The following ACSL6 variants were observed in gnomAD, a reference collection of about 807,000 sequenced individuals.
ACSL6 encodes the protein long-chain-fatty-acid--CoA ligase 6.
Under a neutral mutation model 98.2 loss-of-function variants are expected in ACSL6, and 47 were observed. That is an observed-to-expected ratio of 0.48 (90% confidence interval 0.38 to 0.61). The LOEUF (loss-of-function observed/expected upper bound fraction) is 0.61. ACSL6 is among the 20% of genes least tolerant of loss of function. ACSL6 has a pLI of 0.00. For missense variants in ACSL6, 761 were observed against 913.4 expected (o/e 0.83, Z 2.15); for synonymous variants, 362 against 336.9 (o/e 1.07, Z -0.82).
At chr5:131,996,968 G>A (rs1754824229) in intron 1 of ACSL6, among the ~76,000 whole-genome samples, 1 of 151,366 alleles carries the variant, frequency 6.6e-6, no homozygotes, top group Non-Finnish European at 1.5e-5. Context: ...CCTGGCAGAG[G>A]AAAGTAAACA....
intron 1 of ACSL6, among the ~76,000 whole-genome samples, chr5:132,005,472 A>C (rs1755352843): frequency 6.6e-6 from 1 of 152,198 alleles, no homozygotes; most frequent in Non-Finnish European, 1.5e-5. Context: ...CTCCCTGTCC[A>C]ATCTCACTGG....
At chr5:131,986,770 A>C in intron 8 of ACSL6, 52 bp downstream of exon 8, 2 of 1,605,920 alleles carry the variant, frequency 1.2e-6, no homozygotes, top group Non-Finnish European at 1.7e-6. Context: ...CTGTGAGGAC[A>C]GGCCCTGCAC....
At chr5:132,004,219 C>CT (rs1038116980) in intron 1 of ACSL6, among the ~76,000 whole-genome samples, 2,610 of 138,888 alleles carry the variant, frequency 0.019, 76 homozygotes, top group African/African-American at 0.058. Flanking sequence ...GGCTTCTATC[C>CT]TTTTTTTTTT....
In ACSL6 at chr5:131,951,531, T is replaced by C. The variant is rs982658787; in HGVS notation, c.*2703A>G. 5.1e-6 allele frequency: 1 copy of C among 196,532 alleles called. No homozygotes were observed. The highest frequency in any genetic ancestry group is 8.0e-5 in the East Asian group (1 of 12,552). The allele number at this position is 196,532 out of a possible 1,614,324, so 12.2% of individuals were successfully genotyped here. A position where few individuals can be genotyped will look rare whatever the true frequency, so the allele number is the denominator to read the frequency against. On this transcript the variant is annotated 3_prime_UTR_variant, in exon 21 of 21. Transcript: ENST00000651883. The stretch of plus-strand genomic sequence containing the variant: ...GATGATTTCCACATAGACCTGGAAA[T>C]CTAGAAATATAAGATATTTTAAGTG...
intron 17 of ACSL6, among the ~76,000 whole-genome samples, chr5:131,964,710 C>G (rs1362581385): frequency 6.6e-6 from 1 of 152,234 alleles, no homozygotes; most frequent in Non-Finnish European, 1.5e-5. Context: ...GCTCCCTGAG[C>G]CAACAGGACA....
At chr5:131,996,010 G>GGCCT (rs1754775045) in intron 1 of ACSL6, among the ~76,000 whole-genome samples, 1 of 152,216 alleles carries the variant, frequency 6.6e-6, no homozygotes, top group Non-Finnish European at 1.5e-5. Context: ...GAGGTGATTT[G>GGCCT]GCCTGCACAC....
rs775126100 is a variant in ACSL6 at position 131,954,335 on chromosome 5, C to A, written c.2068G>T (p.Val690Phe). 1 of 1,613,874 alleles carries A rather than the reference C, an allele frequency of 6.2e-7. No homozygotes were observed. The highest frequency in any genetic ancestry group is 8.5e-7 in the Non-Finnish European group (1 of 1,179,924). The change falls in exon 21 of 21, where the codon GTT becomes TTT. Residue 690 changes from valine to phenylalanine, a missense_variant. Val to Phe is a conservative substitution (Grantham distance 50). Transcript: ENST00000651883. ...GTTGGTGTCAGCAAGCCATTTTGAA[C>A]TGAGAACATGTCAGAATGGATGTGA... The part of the protein sequence containing the change: ...AIHIHSDMFS[V>F]QNGLLTPTLK...
intron 1 of ACSL6, among the ~76,000 whole-genome samples, chr5:132,003,401 C>G (rs1265134567): frequency 6.6e-6 from 1 of 152,206 alleles, no homozygotes; most frequent in Non-Finnish European, 1.5e-5. Context: ...TAACATTAGA[C>G]TGGAGCGGCC....
chr5:131,962,783 A>T, intron 17 of ACSL6, 105 bp from the exon 18 acceptor site: 1 of 1,298,002 alleles, frequency 7.7e-7, no homozygotes, highest in Non-Finnish European at 1.1e-6. Context: ...TGCAGACCCC[A>T]CCCCGATTTC....
At chr5:132,005,499 C>T (rs940464613) in intron 1 of ACSL6, among the ~76,000 whole-genome samples, 3 of 152,246 alleles carry the variant, frequency 2.0e-5, no homozygotes, top group Non-Finnish European at 4.4e-5. Context: ...CACATGCCAC[C>T]TTGCTGATCT....
At position 131,962,686 on chromosome 5, in the gene ACSL6, G is replaced by A. The variant is rs1215635675; in HGVS notation, c.1714-8C>T. ...AATTTTAAGAGTTCCTGCCTGTAGA[G>A]TTGGACAAACAGCTTTATAAGAACA... On this transcript the variant is annotated splice_polypyrimidine_tract_variant and splice_region_variant and intron_variant, in intron 17 of 20. Coordinates refer to ENST00000651883, the MANE Select transcript of ACSL6 (RefSeq NM_001009185.3). The A allele has an allele frequency of 6.8e-6, 11 of 1,613,606 alleles. No homozygotes were observed. Among genetic ancestry groups the A allele is most frequent in the Non-Finnish European group, 9.3e-6 (11 of 1,179,788 alleles).
chr5:131,985,296 C>G (rs1040221592), intron 9 of ACSL6, 111 bp downstream of exon 9: 3 of 1,392,178 alleles, frequency 2.2e-6, no homozygotes, highest in Non-Finnish European at 2.0e-6. Flanking sequence ...AGGAACAAGA[C>G]AAGGCTCAGC....
At chr5:132,009,142 C>A (rs958135777) in intron 1 of ACSL6, among the ~76,000 whole-genome samples, 1 of 152,246 alleles carries the variant, frequency 6.6e-6, no homozygotes, top group African/African-American at 2.4e-5. Context: ...CAGCCCAGAA[C>A]AGATGGCTAC....
chr5:131,974,608 T>A, intron 11 of ACSL6: 1 of 826,132 alleles, frequency 1.2e-6, no homozygotes, highest in Admixed American at 2.6e-5. Context: ...ACAAGTGGGG[T>A]GGCTAAAGTC....
chr5:131,979,730 G>A (rs1753797407), intron 9 of ACSL6, among the ~76,000 whole-genome samples: 1 of 152,222 alleles, frequency 6.6e-6, no homozygotes, highest in South Asian at 2.1e-4. Flanking sequence ...CTGAAAGGTT[G>A]CAGAATCAAA....
In ACSL6 at chr5:131,971,776, G is replaced by A. The variant is rs577808616; in HGVS notation, c.1339-131C>T. The A allele has an allele frequency of 2.4e-5, 16 of 660,568 alleles. No homozygotes were observed. In the South Asian group the frequency reaches 4.5e-4, roughly 19 times the overall value. The allele number at this position is 660,568 out of a possible 1,614,324, so 40.9% of individuals were successfully genotyped here. On this transcript the variant is annotated intron_variant, in intron 13 of 20. Coordinates refer to ENST00000651883, the MANE Select transcript of ACSL6 (RefSeq NM_001009185.3). ...ATGCTAGGGCTGGGATCAGAAAGAA[G>A]GCCTGAGGTTGTACAACACACGAGC... is the stretch of plus-strand genomic sequence containing the variant.
At chr5:131,991,007 G>T in intron 2 of ACSL6, 40 bp from the exon 3 acceptor site, 1 of 1,587,120 alleles carries the variant, frequency 6.3e-7, no homozygotes, top group Non-Finnish European at 8.6e-7. Flanking sequence ...GGCTGAGGCA[G>T]GTAGGGGTGC....
rs141948519 is a variant in ACSL6, at chr5:131,974,438, C to T, written c.1068+455G>A. 1.4e-4 allele frequency among the ~76,000 whole-genome samples: 21 copies of T among 152,322 alleles called. No homozygotes were observed. In the East Asian group the frequency reaches 3.1e-3, roughly 22 times the overall value. ...GGAACATAAGTGTTTTGGTCATAAA[C>T]GGAGCTGTACTGCACAGAGCTTGAA... On this transcript the variant is annotated intron_variant, in intron 11 of 20. Transcript: ENST00000651883.
intron 10 of ACSL6, chr5:131,976,326 AC>A (rs1753607000): frequency 1.4e-6 from 1 of 694,682 alleles, no homozygotes; most frequent in African/African-American, 1.9e-5. Context: ...TACACACAAA[AC>A]CATGGGTATA....
Sources: gnomAD v4.1 joint callset for allele counts (sites outside exome capture counted in the v4.1 genomes callset) on GRCh38, gnomAD v4.1.1 for gene constraint, MANE v1.5 for transcripts, NCBI Gene and HGNC (gene_info 2026-07-23, HGNC 2026-07-21) for gene names.